The following EPB41 variants were observed in gnomAD, a reference collection of about 807,000 sequenced individuals.
EPB41 encodes protein 4.1.
EPB41 carries 65 observed loss-of-function variants against 108.0 expected under a neutral mutation model. The ratio of observed to expected loss-of-function variants is 0.60; its 90% CI spans 0.49 to 0.74. The LOEUF (loss-of-function observed/expected upper bound fraction) is 0.74. EPB41 is among the 30% of genes least tolerant of loss of function. The pLI, the probability that EPB41 is intolerant of heterozygous loss-of-function variation, is 0.00. For missense variants in EPB41, 875 were observed against 1,037.0 expected (o/e 0.84, Z 2.15); for synonymous variants, 336 against 358.9 (o/e 0.94, Z 0.72).
At chr1:28,908,928 C>T (rs1297327269) in intron 1 of EPB41, among the ~76,000 whole-genome samples, 1 of 150,838 alleles carries the variant, frequency 6.6e-6, no homozygotes, top group Non-Finnish European at 1.5e-5. Flanking sequence ...TTTGGGAGGC[C>T]GAGGCAGGCG....
At chr1:29,032,357 C>T (rs558768781) in intron 8 of EPB41, among the ~76,000 whole-genome samples, 180 of 152,236 alleles carry the variant, frequency 1.2e-3, no homozygotes, top group Non-Finnish European at 1.6e-3. Flanking sequence ...TGTAGTTATA[C>T]CCACAAGCTT....
chr1:28,951,143 T>A (rs531682440), intron 1 of EPB41, among the ~76,000 whole-genome samples: 17 of 152,236 alleles, frequency 1.1e-4, no homozygotes, highest in African/African-American at 3.8e-4. Flanking sequence ...CCCTCTGTGC[T>A]ATTATATCAA....
At chr1:29,058,739 T>G (rs966307079) in intron 13 of EPB41, 72 bp from the exon 14 acceptor site, 1 of 1,535,222 alleles carries the variant, frequency 6.5e-7, no homozygotes, top group Non-Finnish European at 8.8e-7. Context: ...AATTATAAAA[T>G]GAAGGTTCAA....
At chr1:29,114,380 C>T (rs1007822634) in intron 19 of EPB41, among the ~76,000 whole-genome samples, 1 of 152,320 alleles carries the variant, frequency 6.6e-6, no homozygotes, top group Non-Finnish European at 1.5e-5. Flanking sequence ...CGTTGGCTCA[C>T]GCCTATAATC....
chr1:29,116,507 A>G (rs1671005958), intron 20 of EPB41, among the ~76,000 whole-genome samples: 1 of 152,148 alleles, frequency 6.6e-6, no homozygotes, highest in Non-Finnish European at 1.5e-5. Context: ...GAAAAAACCA[A>G]GAAGAGCAGG....
At chr1:28,943,191 A>T (rs889821038) in intron 1 of EPB41, among the ~76,000 whole-genome samples, 1 of 152,222 alleles carries the variant, frequency 6.6e-6, no homozygotes, top group Non-Finnish European at 1.5e-5. Context: ...AATTTCCATA[A>T]TAACAGTTCC....
intron 7 of EPB41, among the ~76,000 whole-genome samples, chr1:29,028,076 G>A (rs751417227): frequency 1.4e-4 from 22 of 151,988 alleles, no homozygotes; most frequent in Non-Finnish European, 2.4e-4. Context: ...CGCCTGCCTC[G>A]GCCTCCCAAA....
At position 29,069,445 on chromosome 1, in the gene EPB41, ATTAT is replaced by A. The variant is rs1469011371; in HGVS notation, c.2184+4294_2184+4297del. ...TGTATAAACCTTCATGATGGTCATT[ATTAT>A]TTATTTGTTTTGGTGAACCTTGGAG... On this transcript the variant is annotated intron_variant, in intron 16 of 20. Coordinates refer to ENST00000343067, the MANE Select transcript of EPB41 (RefSeq NM_001376013.1). The A allele has an allele frequency of 7.4e-6, 9 of 1,222,696 alleles. No homozygotes were observed. The African/African-American group carries it at 1.2e-4, about 17-fold the overall frequency. The allele number at this position is 1,222,696 out of a possible 1,614,324, so 75.7% of individuals were successfully genotyped here. A position where few individuals can be genotyped will look rare whatever the true frequency, so the allele number is the denominator to read the frequency against.
At chr1:28,910,958 T>C (rs1017312534), upstream of EPB41, 2 of 984,840 alleles carry the variant, frequency 2.0e-6, no homozygotes, top group African/African-American at 3.5e-5. Flanking sequence ...GATGTGAGCA[T>C]GGAGCAGAGC....
intron 1 of EPB41, among the ~76,000 whole-genome samples, chr1:28,934,384 T>C (rs962050414): frequency 6.6e-6 from 1 of 152,142 alleles, no homozygotes; most frequent in African/African-American, 2.4e-5. Flanking sequence ...CTGTACTCTT[T>C]AGATGAAAGT....
chr1:28,994,599 A>G (rs972761300), intron 3 of EPB41, among the ~76,000 whole-genome samples: 2 of 152,074 alleles, frequency 1.3e-5, no homozygotes, highest in African/African-American at 2.4e-5. Flanking sequence ...TTTATTGACA[A>G]AGTGTGTAAT....
rs370818476 is a variant in EPB41 at position 28,982,549 on chromosome 1, C to T, written c.-7-4882C>T. On this transcript the variant is annotated intron_variant, in intron 1 of 20. Coordinates refer to ENST00000343067, the MANE Select transcript of EPB41 (RefSeq NM_001376013.1). The stretch of plus-strand genomic sequence containing the variant: ...AATGTTCTTCACGATGACGGCTTTG[C>T]ATCCAGAGTAGCGTCCAGCCAGGAC... 39 of 1,408,964 alleles carry T rather than the reference C, an allele frequency of 2.8e-5. No homozygotes were observed. In the African/African-American group the frequency reaches 3.5e-4, roughly 13 times the overall value. The allele number at this position is 1,408,964 out of a possible 1,614,324, so 87.3% of individuals were successfully genotyped here.
intron 16 of EPB41, chr1:29,065,646 C>T (rs911999482): frequency 6.6e-6 from 1 of 152,394 alleles, no homozygotes; most frequent in Non-Finnish European, 1.5e-5. Flanking sequence ...CCAGAGAATT[C>T]AGAATTCCAA....
chr1:29,041,061 G>T (rs576349717), intron 11 of EPB41: 1 of 151,230 alleles, frequency 6.6e-6, no homozygotes, highest in East Asian at 1.9e-4. Flanking sequence ...GCTTAAACCC[G>T]GGAGGCGGAG....
chr1:29,032,809 C>T (rs569096168), intron 8 of EPB41, among the ~76,000 whole-genome samples: 3 of 152,074 alleles, frequency 2.0e-5, no homozygotes, highest in Non-Finnish European at 4.4e-5. Context: ...CTACATTTAA[C>T]ATCATTTCTG....
intron 1 of EPB41, among the ~76,000 whole-genome samples, chr1:28,977,686 A>T (rs890228949): frequency 1.5e-4 from 23 of 152,110 alleles, no homozygotes; most frequent in African/African-American, 5.6e-4. Context: ...TTGTTTGTAG[A>T]GCATTTATCC....
chr1:28,899,775 T>C (rs1305191302), intron 1 of EPB41, among the ~76,000 whole-genome samples: 1 of 152,192 alleles, frequency 6.6e-6, no homozygotes, highest in African/African-American at 2.4e-5. Flanking sequence ...GCCTTCATTT[T>C]CTGATTTAAA....
At chr1:28,959,236 G>A (rs201656156) in intron 1 of EPB41, among the ~76,000 whole-genome samples, 1 of 22,780 alleles carries the variant, frequency 4.4e-5, no homozygotes, top group African/African-American at 2.0e-4. Context: ...TTTTTTTTTT[G>A]AGACGGAGTC....
chr1:29,064,751 C>T (rs929858179), intron 15 of EPB41, among the ~76,000 whole-genome samples: 3 of 152,078 alleles, frequency 2.0e-5, no homozygotes, highest in African/African-American at 7.2e-5. Flanking sequence ...TAACTGCTAA[C>T]AGCTATGGAG....
Sources: gnomAD v4.1 joint callset for allele counts (sites outside exome capture counted in the v4.1 genomes callset) on GRCh38, gnomAD v4.1.1 for gene constraint, MANE v1.5 for transcripts, NCBI Gene and HGNC (gene_info 2026-07-23, HGNC 2026-07-21) for gene names.